Variants in ADHFE1 observed in about 807,000 individuals in gnomAD.
ADHFE1 encodes the protein alcohol dehydrogenase iron containing 1, also known as hydroxyacid-oxoacid transhydrogenase, mitochondrial.
ADHFE1 carries 37 observed loss-of-function variants against 54.8 expected under a neutral mutation model. The observed-to-expected ratio is 0.68, with a 90% confidence interval of 0.52 to 0.89. The LOEUF (loss-of-function observed/expected upper bound fraction) is 0.89, where lower values mean the gene tolerates loss of function less well. Ranked by LOEUF, ADHFE1 falls within the 40% of genes least tolerant of loss-of-function variation. ADHFE1 has a pLI of 0.00. For missense variants in ADHFE1, 601 were observed against 591.2 expected (o/e 1.02, Z -0.17); for synonymous variants, 203 against 229.3 (o/e 0.89, Z 1.04).
chr8:66,466,419 T>C (rs1490840316), intron 13 of ADHFE1, among the ~76,000 whole-genome samples: 2 of 152,098 alleles, frequency 1.3e-5, no homozygotes, highest in African/African-American at 4.8e-5. Context: ...CCAAAGCCAA[T>C]ATTCCTAAAG....
At chr8:66,446,567 A>G (rs1428497916) in intron 6 of ADHFE1, among the ~76,000 whole-genome samples, 2 of 152,214 alleles carry the variant, frequency 1.3e-5, no homozygotes, top group Admixed American at 6.5e-5. Flanking sequence ...TCATACATGC[A>G]TGTTAACACA....
chr8:66,461,325 C>T (rs1445721164), intron 13 of ADHFE1, among the ~76,000 whole-genome samples: 1 of 152,098 alleles, frequency 6.6e-6, no homozygotes, highest in Non-Finnish European at 1.5e-5. Context: ...GATCTTCTGC[C>T]ACAGGCTAAG....
chr8:66,444,790 A>G (rs1241022431), intron 5 of ADHFE1, 42 bp downstream of exon 5: 1 of 1,608,616 alleles, frequency 6.2e-7, no homozygotes, highest in African/African-American at 1.3e-5. Context: ...CTTTAAGCAG[A>G]AGCTAACTGT....
intron 10 of ADHFE1, among the ~76,000 whole-genome samples, chr8:66,456,032 C>T (rs954341700): frequency 4.6e-5 from 7 of 152,028 alleles, no homozygotes; most frequent in Admixed American, 2.0e-4. Context: ...TTTCACTAAG[C>T]GTGGTGGCTG....
At position 66,452,069 on chromosome 8, in the gene ADHFE1, T is replaced by A; in HGVS notation, c.851T>A (p.Ile284Asn). The A allele has an allele frequency of 3.7e-6, 6 of 1,614,210 alleles. No homozygotes were observed. The highest frequency in any genetic ancestry group is 5.1e-6 in the Non-Finnish European group (6 of 1,180,036). Residue 284 changes from isoleucine (I) to asparagine (N), a missense_variant, in exon 9 of 14, where the codon ATC becomes AAC. By Grantham distance (149) the Ile-to-Asn change is moderately radical. Transcript: ENST00000396623. ...AACCCAATCAGTGACATTTGGGCTA[T>A]CCACGCGCTGCGGATCGTGGCTAAG... ...GSNPISDIWA[I>N]HALRIVAKYL...
At chr8:66,432,701 C>T (rs1014387726) in intron 1 of ADHFE1, 126 bp downstream of exon 1, 20 of 1,233,736 alleles carry the variant, frequency 1.6e-5, no homozygotes, top group Non-Finnish European at 2.0e-5. Context: ...ATTTGGATAC[C>T]GCCCTGGGCT....
At chr8:66,444,780 C>A (rs769992779) in intron 5 of ADHFE1, 32 bp downstream of exon 5, 1 of 1,611,870 alleles carries the variant, frequency 6.2e-7, no homozygotes, top group African/African-American at 1.3e-5. Flanking sequence ...TGTTTCTTTA[C>A]TTTAAGCAGA....
intron 13 of ADHFE1, 31 bp from the exon 14 acceptor site, chr8:66,468,238 C>T (rs748263262): frequency 3.8e-6 from 6 of 1,570,938 alleles, no homozygotes; most frequent in East Asian, 2.3e-5. Context: ...TTTTCAAAGC[C>T]CTGGGTAACT....
chr8:66,454,007 T>C (rs1300286588), intron 9 of ADHFE1, 52 bp from the exon 10 acceptor site: 6 of 1,600,226 alleles, frequency 3.7e-6, no homozygotes, highest in Non-Finnish European at 5.1e-6. Context: ...CCTTATTCTG[T>C]AGGAATTGCC....
intron 6 of ADHFE1, among the ~76,000 whole-genome samples, chr8:66,446,517 G>T (rs1806032588): frequency 6.6e-6 from 1 of 152,178 alleles, no homozygotes; most frequent in South Asian, 2.1e-4. Flanking sequence ...TCACACACGT[G>T]CATGATTAAC....
At chr8:66,467,100 C>T (rs1408393043) in intron 13 of ADHFE1, among the ~76,000 whole-genome samples, 1 of 152,118 alleles carries the variant, frequency 6.6e-6, no homozygotes, top group Non-Finnish European at 1.5e-5. Flanking sequence ...TGGAAACAGA[C>T]CTTTCAGGAA....
chr8:66,467,485 T>C (rs1807258679), intron 13 of ADHFE1, among the ~76,000 whole-genome samples: 1 of 152,080 alleles, frequency 6.6e-6, no homozygotes, highest in Admixed American at 6.6e-5. Context: ...CAGAGAGCAG[T>C]GCACACAGCT....
chr8:66,451,966 T>A lies in ADHFE1; in HGVS notation c.748T>A (p.Ser250Thr), dbSNP rs144296357. The change falls in exon 9 of 14, where the codon TCA becomes ACA. Residue 250 changes from serine to threonine, a missense_variant. Coordinates refer to ENST00000396623, the MANE Select transcript of ADHFE1 (RefSeq NM_144650.3). ...GFDVLCHALE[S>T]YTTLPYHLRS... ...ATTTCTTTTTAGCCATGCCCTGGAG[T>A]CATACACCACCCTGCCCTACCACCT... 2.0e-5 allele frequency: 33 copies of A among 1,613,750 alleles called. No individual in the cohort carries two copies. The African/African-American group carries it at 2.9e-4, about 14-fold the overall frequency.
At chr8:66,461,784 C>G (rs1049534279) in intron 13 of ADHFE1, among the ~76,000 whole-genome samples, 4 of 152,078 alleles carry the variant, frequency 2.6e-5, no homozygotes, top group African/African-American at 9.7e-5. Context: ...GTTTCCAATG[C>G]ACAAATGAAA....
Position 66,460,466 on chromosome 8 carries a change from G to A in ADHFE1, c.1320+1G>A, listed in dbSNP as rs770438943. The A allele has an allele frequency of 1.3e-6, 2 of 1,573,168 alleles. No individual in the cohort carries two copies. Among genetic ancestry groups the A allele is most frequent in the Admixed American group, 3.5e-5 (2 of 57,190 alleles). On this transcript the variant is annotated splice_donor_variant, in intron 13 of 13. Transcript: ENST00000396623. LOFTEE classifies it high-confidence loss of function. ...ACTAGTGAAAGGAACGCTGCCCCAGGTAAGAGACCGGCAGGCTCCTCACTC... is the reference window on the plus strand; with the variant it reads ...ACTAGTGAAAGGAACGCTGCCCCAGATAAGAGACCGGCAGGCTCCTCACTC...
rs1196803486 is a variant in ADHFE1 at position 66,447,257 on chromosome 8, G to A, written c.551-7G>A. The A allele has an allele frequency of 6.2e-7, 1 of 1,611,206 alleles. No homozygotes were observed. Among genetic ancestry groups the A allele is most frequent in the South Asian group, 1.1e-5 (1 of 90,702 alleles). Reference sequence around the variant, plus strand: ...GCTTTATTAAAATTAATATTATTTTGTTCAAGTGCCAACTACCTCAGGAAC... The same window carrying A: ...GCTTTATTAAAATTAATATTATTTTATTCAAGTGCCAACTACCTCAGGAAC... On this transcript the variant is annotated splice_polypyrimidine_tract_variant and splice_region_variant and intron_variant, in intron 6 of 13. Coordinates refer to ENST00000396623, the MANE Select transcript of ADHFE1 (RefSeq NM_144650.3).
chr8:66,455,961 C>A lies in ADHFE1; in HGVS notation c.987-856C>A, dbSNP rs543055437. Among the ~76,000 whole-genome samples, 262 of 151,642 alleles carry A rather than the reference C, an allele frequency of 1.7e-3. 1 individual carries two copies. The highest frequency in any genetic ancestry group is 2.9e-3 in the African/African-American group (121 of 41,378). The stretch of plus-strand genomic sequence containing the variant: ...AAAAAACCCAAATAAACAACAACAA[C>A]AAAAAAAACTATAATATTTTCCTAT... On this transcript the variant is annotated intron_variant, in intron 10 of 13. Transcript: ENST00000396623.
intron 7 of ADHFE1, 91 bp from the exon 8 acceptor site, chr8:66,448,774 A>T: frequency 8.7e-7 from 1 of 1,143,158 alleles, no homozygotes. Flanking sequence ...TCATATTTTT[A>T]TTTTTAGGGT....
At chr8:66,449,546 T>C (rs535544226) in intron 8 of ADHFE1, among the ~76,000 whole-genome samples, 5 of 152,332 alleles carry the variant, frequency 3.3e-5, no homozygotes. Flanking sequence ...GGGTTTGAGA[T>C]GTTTAGTGAC....
Sources: allele counts gnomAD v4.1 joint callset (sites outside exome capture counted in the v4.1 genomes callset), GRCh38; gene constraint gnomAD v4.1.1; transcripts MANE v1.5; gene names NCBI Gene and HGNC (gene_info 2026-07-23, HGNC 2026-07-21).